URB2: variants seen among roughly 807,000 people sequenced by gnomAD.
URB2 encodes the protein URB2 ribosome biogenesis homolog.
URB2 carries 86 observed loss-of-function variants against 120.9 expected under a neutral mutation model. The ratio of observed to expected loss-of-function variants is 0.71; its 90% CI spans 0.60 to 0.85. The LOEUF (loss-of-function observed/expected upper bound fraction) is 0.85. Ranked by LOEUF, URB2 falls within the 40% of genes least tolerant of loss-of-function variation. URB2 has a pLI of 0.00. For synonymous variants in URB2, 755 were observed against 758.4 expected (o/e 1.00, Z 0.07); for missense variants, 1,765 against 1,836.5 (o/e 0.96, Z 0.71).
intron 4 of URB2, among the ~76,000 whole-genome samples, chr1:229,640,996 G>A (rs1214986877): frequency 6.8e-6 from 1 of 147,438 alleles, no homozygotes; most frequent in Non-Finnish European, 1.5e-5. Context: ...ACCCTACTGA[G>A]TTGAGGCAAT....
intron 9 of URB2, among the ~76,000 whole-genome samples, chr1:229,655,479 C>T (rs1320543119): frequency 6.7e-6 from 1 of 150,040 alleles, no homozygotes; most frequent in Non-Finnish European, 1.5e-5. Context: ...GGTAATCCAC[C>T]CGCCTTGGCC....
intron 8 of URB2, among the ~76,000 whole-genome samples, chr1:229,653,621 T>C (rs1036197153): frequency 6.6e-6 from 1 of 152,202 alleles, no homozygotes. Flanking sequence ...GTGGGGACAC[T>C]CATGCAATTA....
At chr1:229,640,778 T>C (rs564997710) in intron 4 of URB2, among the ~76,000 whole-genome samples, 1 of 152,300 alleles carries the variant, frequency 6.6e-6, no homozygotes, top group East Asian at 1.9e-4. Flanking sequence ...ACTGAAAGGC[T>C]TTGATATTAC....
Position 229,654,376 on chromosome 1 carries a change from G to A in URB2, c.4365G>A (p.Leu1455=). The A allele has an allele frequency of 1.2e-6, 2 of 1,614,178 alleles. No individual in the cohort carries two copies. The highest frequency in any genetic ancestry group is 8.5e-7 in the Non-Finnish European group (1 of 1,180,040). Residue 1455 remains leucine, a synonymous_variant, in exon 9 of 10, where the codon TTG becomes TTA. Coordinates refer to ENST00000258243, the MANE Select transcript of URB2 (RefSeq NM_014777.4). The part of the protein sequence containing the change: ...FSPFMVAQYV[L]EVQKVTLYPA... ...CATTTATGGTGGCCCAGTACGTGTT[G>A]GAGGTACAGAAGGTAAAATTGGGTT...
In URB2 at chr1:229,643,697, G is replaced by A. The variant is rs1439018651; in HGVS notation, c.3795+4G>A. 6.2e-7 allele frequency: 1 copy of A among 1,609,928 alleles called. No homozygotes were observed. The highest frequency in any genetic ancestry group is 1.7e-5 in the Admixed American group (1 of 59,412). On this transcript the variant is annotated splice_donor_region_variant and intron_variant, in intron 5 of 9. Coordinates refer to ENST00000258243, the MANE Select transcript of URB2 (RefSeq NM_014777.4). ...CATGTGGAAAGCAGATGTGCAGGTG[G>A]GTGCCTTCTCCCTCCTTGTGTGGCA...
At chr1:229,645,494 A>G (rs1177171529) in intron 5 of URB2, among the ~76,000 whole-genome samples, 1 of 152,148 alleles carries the variant, frequency 6.6e-6, no homozygotes, top group African/African-American at 2.4e-5. Context: ...AGTAACAGCC[A>G]GTGTCCTCTG....
chr1:229,653,372 G>A (rs1666327012), intron 8 of URB2, among the ~76,000 whole-genome samples: 1 of 152,144 alleles, frequency 6.6e-6, no homozygotes, highest in African/African-American at 2.4e-5. Context: ...TATATATGAA[G>A]CCGTCCCCAC....
At chr1:229,641,374 C>T (rs1476216047) in intron 4 of URB2, among the ~76,000 whole-genome samples, 1 of 152,168 alleles carries the variant, frequency 6.6e-6, no homozygotes, top group African/African-American at 2.4e-5. Flanking sequence ...CTTATTTCCT[C>T]AGGGACAGAG....
At chr1:229,650,087 A>C (rs528301376) in intron 7 of URB2, among the ~76,000 whole-genome samples, 2 of 152,306 alleles carry the variant, frequency 1.3e-5, no homozygotes, top group African/African-American at 4.8e-5. Context: ...TTATGCTATC[A>C]AAAATTTTGT....
rs1388081501 is a variant in URB2 at position 229,626,277 on chromosome 1, A to AGCCGCC, written c.-87_-82dup. 1 of 152,486 alleles carries AGCCGCC rather than the reference A, an allele frequency of 6.6e-6. No individual in the cohort carries two copies. Among genetic ancestry groups the AGCCGCC allele is most frequent in the Non-Finnish European group, 1.5e-5 (1 of 68,702 alleles). 9.4% of individuals were successfully genotyped at this position (152,486 alleles called of 1,614,324 possible). A position where few individuals can be genotyped will look rare whatever the true frequency, so the allele number is the denominator to read the frequency against. On this transcript the variant is annotated 5_prime_UTR_variant, in exon 1 of 10. Coordinates refer to ENST00000258243, the MANE Select transcript of URB2 (RefSeq NM_014777.4). ...GCGGCCTCCGCCGCACCGGGACAGC[A>AGCCGCC]GCCGCCGCCGCTGCCGCCGTCCTCC...
chr1:229,647,413 A>T (rs1558170076), intron 6 of URB2, 97 bp from the exon 7 acceptor site: 1 of 1,450,826 alleles, frequency 6.9e-7, no homozygotes, highest in Admixed American at 2.1e-5. Flanking sequence ...ATTTTGGAGC[A>T]CAGACATTTC....
In URB2 at chr1:229,637,622, G is replaced by A. The variant is rs748628771; in HGVS notation, c.3009G>A (p.Thr1003=). 39 of 1,614,060 alleles carry A rather than the reference G, an allele frequency of 2.4e-5. No homozygotes were observed. Among genetic ancestry groups the A allele is most frequent in the South Asian group, 6.6e-5 (6 of 91,090 alleles). Reference sequence around the variant, plus strand: ...TGGAATTCCTCCAAGTGATAGGGACGTTCTTAGAGGAGCTAATGCAGATGC... The same window carrying A: ...TGGAATTCCTCCAAGTGATAGGGACATTCTTAGAGGAGCTAATGCAGATGC... The part of the protein sequence containing the change: ...AWLEFLQVIG[T]FLEELMQMLI... Residue 1003 remains threonine, a synonymous_variant, in exon 4 of 10, where the codon ACG becomes ACA. Transcript: ENST00000258243.
chr1:229,654,573 GCCT>G (rs1156526367), intron 9 of URB2, among the ~76,000 whole-genome samples, 185 bp downstream of exon 9: 25 of 152,114 alleles, frequency 1.6e-4, no homozygotes, highest in African/African-American at 6.0e-4. Flanking sequence ...GCACACTACA[GCCT>G]CGAACTCCTG....
chr1:229,636,773 G>T lies in URB2; in HGVS notation c.2160G>T (p.Thr720=), dbSNP rs374249981. ...SGRKSLNQRT[T]ASWDGQVGMV... is the part of the protein sequence containing the mutation. ...GAAAAAGCTTGAATCAGAGAACGAC[G>T]GCTTCCTGGGATGGCCAAGTTGGGA... Residue 720 remains threonine, a synonymous_variant, in exon 4 of 10, where the codon ACG becomes ACT. Transcript: ENST00000258243. The T allele has an allele frequency of 1.9e-6, 3 of 1,611,978 alleles. No homozygotes were observed. The Admixed American group carries it at 5.0e-5, about 27-fold the overall frequency.
rs768638606 is a variant in URB2 at position 229,636,289 on chromosome 1, G to A, written c.1676G>A (p.Ser559Asn). ...TTCAACATGAGGAGCCTGGACAGCA[G>A]CACGCCTCTGCCCATTGTCAGACGG... is the stretch of plus-strand genomic sequence containing the variant. The part of the protein sequence containing the change: ...IMFNMRSLDS[S>N]TPLPIVRRTQ... Residue 559 changes from serine to asparagine, a missense_variant, in exon 4 of 10, where the codon AGC becomes AAC. Transcript: ENST00000258243. The A allele has an allele frequency of 1.2e-6, 2 of 1,614,162 alleles. No individual in the cohort carries two copies. The highest frequency in any genetic ancestry group is 4.5e-5 in the East Asian group (2 of 44,886).
chr1:229,652,260 G>T (rs1045666195), intron 8 of URB2, among the ~76,000 whole-genome samples: 2 of 152,120 alleles, frequency 1.3e-5, no homozygotes, highest in African/African-American at 2.4e-5. Context: ...TGCATAGCAT[G>T]TACCAGCCCT....
rs961368604 is a variant in URB2 at position 229,637,262 on chromosome 1, T to C, written c.2649T>C (p.Pro883=). 2 of 1,614,164 alleles carry C rather than the reference T, an allele frequency of 1.2e-6. No homozygotes were observed. Among genetic ancestry groups the C allele is most frequent in the Non-Finnish European group, 1.7e-6 (2 of 1,180,016 alleles). ...TGTCCCTGGTCAAGAGTGACTTCCC[T>C]ATCCAGCTGGAGGGAGAGCAGTTGG... is the stretch of plus-strand genomic sequence containing the variant. ...NLLSLVKSDF[P]IQLEGEQLES... The change falls in exon 4 of 10, where the codon CCT becomes CCC. Residue 883 remains proline, a synonymous_variant. Coordinates refer to ENST00000258243, the MANE Select transcript of URB2 (RefSeq NM_014777.4).
In URB2 at chr1:229,635,894, G is replaced by T. The variant is rs748328082; in HGVS notation, c.1281G>T (p.Leu427=). The stretch of plus-strand genomic sequence containing the variant: ...ATCATTTGATTTTGGAGCCAGACCT[G>T]GATGACCTGCTGGCTTCAGCGTGGA... ...SLNHLILEPD[L]DDLLASAWID... The change falls in exon 4 of 10, where the codon CTG becomes CTT. Residue 427 remains leucine (L), a synonymous_variant. Transcript: ENST00000258243. 6.2e-7 allele frequency: 1 copy of T among 1,614,220 alleles called. No homozygotes were observed. The highest frequency in any genetic ancestry group is 8.5e-7 in the Non-Finnish European group (1 of 1,180,046).
At chr1:229,632,467 T>TA in intron 3 of URB2, 22 bp downstream of exon 3, 1 of 1,523,574 alleles carries the variant, frequency 6.6e-7, no homozygotes. Flanking sequence ...TTCTGTTCTG[T>TA]ATGTGTTGCA....
Sources: gnomAD v4.1 joint callset for allele counts (sites outside exome capture counted in the v4.1 genomes callset) on GRCh38, gnomAD v4.1.1 for gene constraint, MANE v1.5 for transcripts, NCBI Gene and HGNC (gene_info 2026-07-23, HGNC 2026-07-21) for gene names.